The following DRC7 variants were observed in gnomAD, a reference collection of about 807,000 sequenced individuals.
The protein encoded by DRC7 is dynein regulatory complex subunit 7, also known as coiled-coil domain containing 135.
Under a neutral mutation model 104.4 loss-of-function variants are expected in DRC7, and 80 were observed. That is an observed-to-expected ratio of 0.77 (90% CI 0.64 to 0.92). DRC7 has a LOEUF of 0.92. DRC7 is among the 40% of genes least tolerant of loss of function. DRC7 has a pLI of 0.00. For synonymous variants in DRC7, 405 were observed against 447.3 expected (o/e 0.91, Z 1.19); for missense variants, 1,034 against 1,141.1 (o/e 0.91, Z 1.35).
intron 9 of DRC7, among the ~76,000 whole-genome samples, chr16:57,720,592 C>T (rs376005486): frequency 5.0e-4 from 76 of 152,302 alleles, no homozygotes; most frequent in Middle Eastern, 3.4e-3. Flanking sequence ...ACAGCAAAGA[C>T]GGACAGAGGG....
In DRC7 at chr16:57,726,855, G is replaced by C; in HGVS notation, c.1998G>C (p.Lys666Asn). ...AGGTGGAGCCCATGGAGCACACCAA[G>C]AAGCTGCTCTACCAGTACGAGGCCA... is the stretch of plus-strand genomic sequence containing the variant. Reference protein sequence around the residue: ...SFEVEPMEHTKKLLYQYEAMM... With the variant: ...SFEVEPMEHTNKLLYQYEAMM... Residue 666 changes from lysine (K) to asparagine (N), a missense_variant, in exon 15 of 19, where the codon AAG (lysine) becomes AAC (asparagine). Physicochemically the swap from Lys to Asn is moderately conservative, Grantham distance 94. Transcript: ENST00000360716. 1.2e-6 allele frequency: 2 copies of C among 1,612,842 alleles called. No homozygotes were observed. Among genetic ancestry groups the C allele is most frequent in the Non-Finnish European group, 1.7e-6 (2 of 1,179,536 alleles).
At chr16:57,701,904 C>T (rs751919420) in intron 5 of DRC7, 32 bp from the exon 6 acceptor site, 1 of 1,596,758 alleles carries the variant, frequency 6.3e-7, no homozygotes, top group Non-Finnish European at 8.6e-7. Context: ...GCAGCGGGGC[C>T]CCAGCTGTGC....
chr16:57,705,670 CCCAT>C (rs1423630736), intron 7 of DRC7, among the ~76,000 whole-genome samples: 9 of 134,538 alleles, frequency 6.7e-5, no homozygotes, highest in African/African-American at 1.7e-4. Context: ...CATCCATCTT[CCCAT>C]CCATCCATCC....
At chr16:57,717,022 G>A (rs2048850134) in intron 8 of DRC7, among the ~76,000 whole-genome samples, 1 of 151,792 alleles carries the variant, frequency 6.6e-6, no homozygotes, top group Non-Finnish European at 1.5e-5. Context: ...CTGGGCTGTG[G>A]TGGCGAGCAC....
chr16:57,717,337 T>C (rs1364049764), intron 8 of DRC7, among the ~76,000 whole-genome samples: 2 of 142,358 alleles, frequency 1.4e-5, no homozygotes, highest in Non-Finnish European at 3.0e-5. Flanking sequence ...TGGAATCAAG[T>C]GATCCTCCTG....
rs754418280 is a variant in DRC7 at position 57,707,691 on chromosome 16, G to A, written c.1077+13G>A. ...GAACTGCTGCAAGGTGCCTAGGGAG[G>A]GGGAGCTGGGTGGGTGTGGCAGGCA... On this transcript the variant is annotated intron_variant, in intron 8 of 18. Coordinates refer to ENST00000360716, the MANE Select transcript of DRC7 (RefSeq NM_001289162.2). 5 of 1,610,678 alleles carry A rather than the reference G, an allele frequency of 3.1e-6. No individual in the cohort carries two copies. The South Asian group carries it at 4.4e-5, about 14-fold the overall frequency.
At chr16:57,712,673 TG>T (rs869141213) in intron 8 of DRC7, among the ~76,000 whole-genome samples, 1 of 151,842 alleles carries the variant, frequency 6.6e-6, no homozygotes, top group African/African-American at 2.4e-5. Context: ...TTTTTTGTTT[TG>T]TTTTTTTTTT....
At chr16:57,720,175 C>T (rs767153985) in intron 9 of DRC7, among the ~76,000 whole-genome samples, 6 of 152,124 alleles carry the variant, frequency 3.9e-5, no homozygotes, top group Non-Finnish European at 5.9e-5. Context: ...CCCATTTTAC[C>T]GATGGGAAGA....
At chr16:57,701,832 T>G (rs2048661294) in intron 5 of DRC7, 104 bp from the exon 6 acceptor site, 1 of 992,320 alleles carries the variant, frequency 1.0e-6, no homozygotes, top group Non-Finnish European at 1.5e-6. Context: ...AGCCTGTGCA[T>G]TGGTCCTGGC....
At chr16:57,699,669 C>T (rs1468596528) in intron 4 of DRC7, among the ~76,000 whole-genome samples, 2 of 152,162 alleles carry the variant, frequency 1.3e-5, no homozygotes, top group African/African-American at 4.8e-5. Flanking sequence ...CAGCCCAGAA[C>T]CTCTGTAGGC....
At chr16:57,727,101 C>G in intron 15 of DRC7, 159 bp downstream of exon 15, 2 of 648,332 alleles carry the variant, frequency 3.1e-6, no homozygotes, top group South Asian at 1.8e-5. Flanking sequence ...ACTGGGACCA[C>G]TAGCGCACAC....
At chr16:57,716,615 C>T (rs1374062781) in intron 8 of DRC7, among the ~76,000 whole-genome samples, 1 of 152,098 alleles carries the variant, frequency 6.6e-6, no homozygotes, top group African/African-American at 2.4e-5. Flanking sequence ...CAGTTCTCTC[C>T]CCAACTCTCC....
At chr16:57,721,761 A>G in intron 10 of DRC7, 22 bp downstream of exon 10, 1 of 1,591,620 alleles carries the variant, frequency 6.3e-7, no homozygotes, top group Non-Finnish European at 8.6e-7. Flanking sequence ...TTGTGTATTC[A>G]CTTATCCTCT....
chr16:57,704,595 G>A (rs1413552003), intron 6 of DRC7, among the ~76,000 whole-genome samples: 1 of 152,144 alleles, frequency 6.6e-6, no homozygotes, highest in Non-Finnish European at 1.5e-5. Flanking sequence ...GCCCTGACAG[G>A]TACCTCCCTC....
chr16:57,697,457 A>G (rs942855821), intron 2 of DRC7, among the ~76,000 whole-genome samples: 2 of 151,048 alleles, frequency 1.3e-5, no homozygotes, highest in South Asian at 2.1e-4. Context: ...GGTCTCAGCT[A>G]CTGGGGAGGC....
chr16:57,721,707 C>A lies in DRC7; in HGVS notation c.1247C>A (p.Ser416Ter). The A allele has an allele frequency of 6.2e-7, 1 of 1,613,884 alleles. No individual in the cohort carries two copies. The highest frequency in any genetic ancestry group is 8.5e-7 in the Non-Finnish European group (1 of 1,179,858). The change falls in exon 10 of 19, where the codon TCG (serine) becomes TAG (stop). Residue 416 changes from serine (S) to a stop codon, truncating the protein, a stop_gained. Transcript: ENST00000360716. LOFTEE classifies it high-confidence loss of function. ...DEDKSFDMPH[S>*]WVEQIEISPE... ...GATAAGAGCTTCGACATGCCCCACT[C>A]GTGGGTGGAGCAGATTGAGATCTCC...
In DRC7 at chr16:57,731,188, A is replaced by G; in HGVS notation, c.2555A>G (p.Lys852Arg). Residue 852 changes from lysine (K) to arginine (R), a missense_variant, in exon 19 of 19, where the codon AAG (lysine) becomes AGG (arginine). Transcript: ENST00000360716. ...AGACACAAGGAACTGGCCCCACTGA[A>G]GTACCTGGCTCTGGAGGAAAAGCTC... ...LNRHKELAPL[K>R]YLALEEKLYK... 1.2e-6 allele frequency: 2 copies of G among 1,613,832 alleles called. No homozygotes were observed. Among genetic ancestry groups the G allele is most frequent in the East Asian group, 2.2e-5 (1 of 44,874 alleles).
intron 7 of DRC7, among the ~76,000 whole-genome samples, chr16:57,705,731 C>A: frequency 7.1e-6 from 1 of 140,778 alleles, no homozygotes; most frequent in Non-Finnish European, 1.5e-5. Flanking sequence ...TCCATCCATC[C>A]TCCCATCCAC....
chr16:57,727,183 C>T, intron 15 of DRC7, 116 bp from the exon 16 acceptor site: 1 of 844,502 alleles, frequency 1.2e-6, no homozygotes, highest in Non-Finnish European at 2.0e-6. Flanking sequence ...TTTGCCCAGG[C>T]TGGTCTCAAA....
Sources: allele counts gnomAD v4.1 joint callset (sites outside exome capture counted in the v4.1 genomes callset), GRCh38; gene constraint gnomAD v4.1.1; transcripts MANE v1.5; gene names NCBI Gene and HGNC (gene_info 2026-07-23, HGNC 2026-07-21).